ZNF469: variants seen among roughly 807,000 people sequenced by gnomAD.
ZNF469 encodes zinc finger protein 469.
ZNF469 carries 1 observed loss-of-function variant against 1.0 expected under a neutral mutation model. That is an observed-to-expected ratio of 1.00 (90% CI 0.35 to 4.73). The LOEUF (loss-of-function observed/expected upper bound fraction) is 4.73. Ranked by LOEUF, ZNF469 falls within the 30% of genes most tolerant of loss-of-function variation. The probability of loss-of-function intolerance (pLI) is 0.16; values close to 1 mark genes in which losing one functional copy is unlikely to be tolerated. For synonymous variants in ZNF469, 2,703 were observed against 2,363.4 expected (o/e 1.14, Z -4.17); for missense variants, 6,100 against 5,356.3 (o/e 1.14, Z -4.33).
the ZNF469 span, among the ~76,000 whole-genome samples, chr16:88,372,265 A>C: frequency 7.0e-6 from 1 of 143,220 alleles, no homozygotes; most frequent in Non-Finnish European, 1.5e-5. Flanking sequence ...CATCATCGTC[A>C]CCATCACCAT....
At chr16:88,321,276 C>G in the ZNF469 span, among the ~76,000 whole-genome samples, 36,652 of 152,302 alleles carry the variant, frequency 0.24, 4,895 homozygotes, top group Middle Eastern at 0.33. Context: ...CAGGCAGGAG[C>G]TGATGCTGCA....
the ZNF469 span, among the ~76,000 whole-genome samples, chr16:88,230,438 T>C: frequency 1.3e-5 from 2 of 152,152 alleles, no homozygotes; most frequent in African/African-American, 4.8e-5. Context: ...TGATAAGGGC[T>C]GATGAGCAGG....
At position 88,435,911 on chromosome 16, in the gene ZNF469, C is replaced by A; in HGVS notation, c.8441C>A (p.Thr2814Asn). The A allele has an allele frequency of 6.5e-7, 1 of 1,550,146 alleles. No individual in the cohort carries two copies. The highest frequency in any genetic ancestry group is 1.2e-5 in the South Asian group (1 of 84,064). Residue 2814 changes from threonine to asparagine, a missense_variant, in exon 3 of 3, where the codon ACC becomes AAC. By Grantham distance (65) the Thr-to-Asn change is moderately conservative. Coordinates refer to ENST00000565624, the MANE Select transcript of ZNF469 (RefSeq NM_001367624.2). ...TCCAGCTCTCCGGCGGACAGCACCA[C>A]CAGCAGCTGCCTCCAGGGCCTCCCG... ...ETSSSPADST[T>N]SSCLQGLPDN...
At chr16:88,258,705 T>C in the ZNF469 span, among the ~76,000 whole-genome samples, 49,292 of 151,844 alleles carry the variant, frequency 0.32, 8,449 homozygotes, top group Middle Eastern at 0.45. Flanking sequence ...TCCTTGTGGT[T>C]CTGATGAACT....
the ZNF469 span, among the ~76,000 whole-genome samples, chr16:88,337,129 C>T: frequency 6.6e-6 from 1 of 152,212 alleles, no homozygotes; most frequent in Non-Finnish European, 1.5e-5. Flanking sequence ...GTGAGTAGTG[C>T]CGCTATGAAC....
the ZNF469 span, among the ~76,000 whole-genome samples, chr16:88,211,092 A>G: frequency 1.2e-4 from 18 of 152,282 alleles, no homozygotes; most frequent in Non-Finnish European, 1.5e-5. Context: ...GAGTATTTTA[A>G]TGTTTTCCTT....
the ZNF469 span, among the ~76,000 whole-genome samples, chr16:88,335,674 G>T: frequency 2.6e-5 from 4 of 152,248 alleles, no homozygotes; most frequent in African/African-American, 9.6e-5. Context: ...GAGGAGAAAT[G>T]AGAGCCTCGA....
chr16:88,433,016 G>T lies in ZNF469; in HGVS notation c.5546G>T (p.Arg1849Met), dbSNP rs1906308186. Residue 1849 changes from arginine to methionine, a missense_variant, in exon 3 of 3, where the codon AGG becomes ATG. Arg to Met is a moderately conservative substitution (Grantham distance 91). Transcript: ENST00000565624. ...AGGHLHPTAG[R>M]PGFEGNEFAP... ...GGGCACCTCCACCCCACGGCAGGGA[G>T]GCCTGGCTTTGAGGGTAATGAGTTT... The T allele has an allele frequency of 1.3e-6, 2 of 1,550,396 alleles. No individual in the cohort carries two copies. The highest frequency in any genetic ancestry group is 1.7e-4 in the Middle Eastern group (1 of 5,992).
chr16:88,394,435 A>T (rs541680171), intron 1 of ZNF469, among the ~76,000 whole-genome samples: 9 of 152,376 alleles, frequency 5.9e-5, no homozygotes, highest in Non-Finnish European at 1.2e-4. Flanking sequence ...CAATAGTTTC[A>T]CGTTAACATG....
At position 88,428,087 on chromosome 16, in the gene ZNF469, C is replaced by T; in HGVS notation, c.617C>T (p.Pro206Leu). ...YTSPSATPRP[P>L]APGPPQSRGT... The stretch of plus-strand genomic sequence containing the variant: ...TCACCAAGCGCCACCCCCAGGCCCC[C>T]AGCCCCGGGGCCCCCCCAGAGCAGG... Residue 206 changes from proline to leucine, a missense_variant, in exon 3 of 3, where the codon CCA (proline) becomes CTA (leucine). Transcript: ENST00000565624. 1 of 1,549,896 alleles carries T rather than the reference C, an allele frequency of 6.5e-7. No homozygotes were observed.
At chr16:88,347,822 T>C in the ZNF469 span, among the ~76,000 whole-genome samples, 28 of 152,198 alleles carry the variant, frequency 1.8e-4, no homozygotes, top group African/African-American at 6.3e-4. Flanking sequence ...CCTGGGACCA[T>C]TGGATGTGTT....
At chr16:88,219,904 G>T in the ZNF469 span, among the ~76,000 whole-genome samples, 1 of 152,098 alleles carries the variant, frequency 6.6e-6, no homozygotes. Context: ...TCCTGCCTGT[G>T]CCCACAACTG....
chr16:88,281,676 C>T, the ZNF469 span, among the ~76,000 whole-genome samples: 1 of 149,850 alleles, frequency 6.7e-6, no homozygotes, highest in Admixed American at 6.7e-5. Flanking sequence ...AGTGCTGTGC[C>T]ACACCAACAC....
At chr16:88,180,521 C>T in the ZNF469 span, among the ~76,000 whole-genome samples, 1 of 152,136 alleles carries the variant, frequency 6.6e-6, no homozygotes, top group Non-Finnish European at 1.5e-5. Flanking sequence ...CCTGTAATCC[C>T]AGCACTTTGG....
At chr16:88,230,795 G>A in the ZNF469 span, among the ~76,000 whole-genome samples, 19 of 152,312 alleles carry the variant, frequency 1.2e-4, no homozygotes, top group South Asian at 2.1e-4. Flanking sequence ...GTCCCCACCC[G>A]CTGCTGAAGC....
chr16:88,349,952 T>A, the ZNF469 span, among the ~76,000 whole-genome samples: 3 of 3,908 alleles, frequency 7.7e-4, no homozygotes, highest in African/African-American at 3.1e-3. Flanking sequence ...GAGACACAAA[T>A]ACACACCATG....
the ZNF469 span, among the ~76,000 whole-genome samples, chr16:88,339,163 C>CG: frequency 1.0e-5 from 1 of 95,888 alleles, no homozygotes; most frequent in African/African-American, 3.6e-5. Flanking sequence ...GACAGGGTGG[C>CG]GGGGGACATG....
the ZNF469 span, among the ~76,000 whole-genome samples, chr16:88,367,276 C>T: frequency 2.3e-4 from 35 of 152,354 alleles, no homozygotes; most frequent in African/African-American, 8.2e-4. Context: ...TCTCAATGGT[C>T]ATAGGCAAGA....
the ZNF469 span, among the ~76,000 whole-genome samples, chr16:88,285,365 G>C: frequency 6.6e-6 from 1 of 152,250 alleles, no homozygotes; most frequent in Non-Finnish European, 1.5e-5. Context: ...TCTGTGCAGG[G>C]GATCAGGCAG....
Sources: allele counts gnomAD v4.1 joint callset (sites outside exome capture counted in the v4.1 genomes callset), GRCh38; gene constraint gnomAD v4.1.1; transcripts MANE v1.5; gene names NCBI Gene and HGNC (gene_info 2026-07-23, HGNC 2026-07-21).